Variants in RIT2 observed in about 807,000 individuals in gnomAD.
RIT2 encodes Ras like without CAAX 2, also known as GTP-binding protein Rit2.
In RIT2, 24 loss-of-function variants were observed where a neutral mutation model predicts 23.7. That is an observed-to-expected ratio of 1.01 (90% CI 0.73 to 1.43). The LOEUF (loss-of-function observed/expected upper bound fraction) is 1.43, where lower values mean the gene tolerates loss of function less well. Ranked by LOEUF, RIT2 falls within the 40% of genes most tolerant of loss-of-function variation. The probability of loss-of-function intolerance (pLI) is 0.00; values close to 1 mark genes in which losing one functional copy is unlikely to be tolerated. For synonymous variants in RIT2, 107 were observed against 91.1 expected (o/e 1.17, Z -0.99); for missense variants, 236 against 266.9 (o/e 0.88, Z 0.81).
chr18:42,986,904 A>G (rs1156936487), intron 2 of RIT2, among the ~76,000 whole-genome samples: 6 of 152,182 alleles, frequency 3.9e-5, no homozygotes, highest in Non-Finnish European at 8.8e-5. Flanking sequence ...GCAAATTAAA[A>G]CAATGATAAT....
intron 4 of RIT2, among the ~76,000 whole-genome samples, chr18:42,780,118 C>A (rs1598650813): frequency 8.8e-6 from 1 of 114,008 alleles, no homozygotes; most frequent in Admixed American, 1.3e-4. Context: ...CTCAAGGGGT[C>A]CTGAGGACAT....
At chr18:42,770,621 C>T (rs140769559) in intron 4 of RIT2, among the ~76,000 whole-genome samples, 65 of 152,202 alleles carry the variant, frequency 4.3e-4, no homozygotes, top group African/African-American at 1.3e-3. Context: ...AAAAAGGACA[C>T]AATTAATATT....
chr18:42,773,139 G>A (rs1015635870), intron 4 of RIT2, among the ~76,000 whole-genome samples: 1 of 123,530 alleles, frequency 8.1e-6, no homozygotes, highest in Admixed American at 9.3e-5. Flanking sequence ...AAATATTGGT[G>A]TTTTCTTAAT....
intron 2 of RIT2, among the ~76,000 whole-genome samples, chr18:43,006,973 G>T (rs1598746049): frequency 6.6e-6 from 1 of 151,364 alleles, no homozygotes; most frequent in South Asian, 2.1e-4. Context: ...AGGAAAAAAA[G>T]GTAGATTGTC....
At chr18:42,996,600 A>C (rs1445589427) in intron 2 of RIT2, among the ~76,000 whole-genome samples, 1 of 151,946 alleles carries the variant, frequency 6.6e-6, no homozygotes. Flanking sequence ...ACTACTGAGC[A>C]CCTTGTGACC....
intron 4 of RIT2, among the ~76,000 whole-genome samples, chr18:42,874,047 T>C (rs1907685982): frequency 1.3e-5 from 2 of 152,138 alleles, no homozygotes; most frequent in Admixed American, 1.3e-4. Flanking sequence ...ATCATTCCAC[T>C]GAGAGATGGA....
At chr18:42,974,272 G>A (rs754216198) in intron 2 of RIT2, 125 bp from the exon 3 acceptor site, 40 of 589,970 alleles carry the variant, frequency 6.8e-5, no homozygotes, top group African/African-American at 1.3e-4. Flanking sequence ...CTCAAATAAC[G>A]TATATAGATT....
At chr18:43,003,044 A>C (rs1911144783) in intron 2 of RIT2, among the ~76,000 whole-genome samples, 1 of 151,884 alleles carries the variant, frequency 6.6e-6, no homozygotes, top group Non-Finnish European at 1.5e-5. Flanking sequence ...AGCCAGGAGG[A>C]GCTGGGTAAA....
chr18:42,909,985 T>C (rs1908724583), intron 4 of RIT2, among the ~76,000 whole-genome samples: 1 of 152,142 alleles, frequency 6.6e-6, no homozygotes, highest in South Asian at 2.1e-4. Context: ...CAATTATACC[T>C]GAAAGCGGTT....
intron 3 of RIT2, among the ~76,000 whole-genome samples, chr18:42,939,277 G>A (rs1350373497): frequency 6.6e-6 from 1 of 151,980 alleles, no homozygotes; most frequent in Non-Finnish European, 1.5e-5. Flanking sequence ...CTAGGATTCT[G>A]TTTTCTCATC....
intron 4 of RIT2, among the ~76,000 whole-genome samples, chr18:42,750,533 T>C (rs182805261): frequency 6.6e-6 from 1 of 151,988 alleles, no homozygotes; most frequent in Admixed American, 6.6e-5. Context: ...ATAGTAATAT[T>C]TCCGTAGCTA....
chr18:42,973,747 T>A (rs1910414632), intron 3 of RIT2, among the ~76,000 whole-genome samples: 1 of 151,906 alleles, frequency 6.6e-6, no homozygotes, highest in Admixed American at 6.6e-5. Flanking sequence ...TATATTCACC[T>A]AAAATTCTCT....
At chr18:42,768,866 AT>A (rs1281623409) in intron 4 of RIT2, among the ~76,000 whole-genome samples, 1 of 152,162 alleles carries the variant, frequency 6.6e-6, no homozygotes, top group Non-Finnish European at 1.5e-5. Context: ...CATGTTTAAA[AT>A]GATATCCCAA....
chr18:43,031,825 AT>A lies in RIT2; in HGVS notation c.160+1985del, dbSNP rs1456392434. Among the ~76,000 whole-genome samples the A allele has an allele frequency of 3.9e-5, 6 of 152,220 alleles. No individual in the cohort carries two copies. In the East Asian group the frequency reaches 1.2e-3, roughly 29 times the overall value. Reference sequence around the variant, plus strand: ...TGAAAAATATTTATTTCCTATCTCAATTGTGAAAAAAGTATCCTTGATAGGT... The same window carrying A: ...TGAAAAATATTTATTTCCTATCTCAATGTGAAAAAAGTATCCTTGATAGGT... On this transcript the variant is annotated intron_variant, in intron 2 of 4. Transcript: ENST00000326695.
chr18:42,894,763 G>A (rs1908277900), intron 4 of RIT2, among the ~76,000 whole-genome samples: 1 of 152,304 alleles, frequency 6.6e-6, no homozygotes, highest in East Asian at 1.9e-4. Flanking sequence ...ACTGTAGTAT[G>A]ATAGGCAATC....
chr18:43,013,299 T>G (rs1810423306), intron 2 of RIT2, among the ~76,000 whole-genome samples: 2 of 151,828 alleles, frequency 1.3e-5, no homozygotes, highest in African/African-American at 4.8e-5. Context: ...AATGCAAACA[T>G]GAACTATAGC....
chr18:42,750,603 A>T (rs1054229418), intron 4 of RIT2, among the ~76,000 whole-genome samples: 2 of 151,864 alleles, frequency 1.3e-5, no homozygotes, highest in African/African-American at 4.8e-5. Context: ...CTCAGATCAC[A>T]TCAAATCATG....
chr18:42,806,025 G>T (rs1598661488), intron 4 of RIT2, among the ~76,000 whole-genome samples: 1 of 150,952 alleles, frequency 6.6e-6, no homozygotes, highest in African/African-American at 2.4e-5. Context: ...TGTCACAAAA[G>T]TGTTTTAGGT....
At chr18:42,850,749 G>C (rs1156606805) in intron 4 of RIT2, among the ~76,000 whole-genome samples, 2 of 152,034 alleles carry the variant, frequency 1.3e-5, no homozygotes, top group Non-Finnish European at 2.9e-5. Context: ...TCTTAACAAT[G>C]GGGTTTTCAG....
Sources: gnomAD v4.1 joint callset for allele counts (sites outside exome capture counted in the v4.1 genomes callset) on GRCh38, gnomAD v4.1.1 for gene constraint, MANE v1.5 for transcripts, NCBI Gene and HGNC (gene_info 2026-07-23, HGNC 2026-07-21) for gene names.